The following SYNGR2 variants were observed in gnomAD, a reference collection of about 807,000 sequenced individuals.
SYNGR2 encodes synaptogyrin-2.
A neutral mutation model predicts 18.7 loss-of-function variants in SYNGR2; 11 were observed. The observed-to-expected ratio is 0.59, with a 90% CI of 0.37 to 0.97. SYNGR2 has a LOEUF of 0.97. Among genes scored for constraint, SYNGR2 ranks in the 50% least tolerant of loss-of-function variants. The pLI, the probability that SYNGR2 is intolerant of heterozygous loss-of-function variation, is 0.01. For missense variants in SYNGR2, 253 were observed against 300.7 expected (o/e 0.84, Z 1.17); for synonymous variants, 127 against 131.0 (o/e 0.97, Z 0.21).
chr17:78,171,417 G>T lies in SYNGR2; in HGVS notation c.338-93G>T. 6.9e-7 allele frequency: 1 copy of T among 1,449,742 alleles called. No homozygotes were observed. The highest frequency in any genetic ancestry group is 1.4e-5 in the South Asian group (1 of 70,280). The allele number at this position is 1,449,742 out of a possible 1,614,324, so 89.8% of individuals were successfully genotyped here. A position where few individuals can be genotyped will look rare whatever the true frequency, so the allele number is the denominator to read the frequency against. On this transcript the variant is annotated intron_variant, in intron 2 of 3. Transcript: ENST00000225777. This position sits in a 1 kb window ranked among gnomAD's most constrained non-coding sequence, Gnocchi z 6.6. ...CTCCATAGTGTGGAGGCTCCCCCGG[G>T]AGGTCCCTGCCCTACCTGCCCGCGT...
At position 78,172,278 on chromosome 17, in the gene SYNGR2, G is replaced by A. The variant is rs544433295; in HGVS notation, c.*342G>A. 15 of 529,074 alleles carry A rather than the reference G, an allele frequency of 2.8e-5. No homozygotes were observed. Among genetic ancestry groups the A allele is most frequent in the African/African-American group, 1.3e-4 (7 of 53,060 alleles). 32.8% of individuals were successfully genotyped at this position (529,074 alleles called of 1,614,324 possible). A position where few individuals can be genotyped will look rare whatever the true frequency, so the allele number is the denominator to read the frequency against. On this transcript the variant is annotated 3_prime_UTR_variant, in exon 4 of 4. Transcript: ENST00000225777. ...CTGACAAGTGCCTCAGCTTCCCCCC[G>A]GCCCGGGTCAGGCCGTGGGAGCCGC...
rs768301710 is a variant in SYNGR2 at position 78,171,565 on chromosome 17, A to G, written c.393A>G (p.Ala131=). 3 of 1,538,892 alleles carry G rather than the reference A, an allele frequency of 1.9e-6. No individual in the cohort carries two copies. In the East Asian group the frequency reaches 6.8e-5, roughly 35 times the overall value. Residue 131 remains alanine (A), a synonymous_variant, in exon 3 of 4, where the codon GCA becomes GCG. Transcript: ENST00000225777. The surrounding 1 kb of genome is among the most constrained non-coding windows in gnomAD (Gnocchi z 6.6). ...TCTGCTTCCTCACCAACCAGTGGGC[A>G]GTCACCAACCCGAAGGACGTGCTGG... The part of the protein sequence containing the change: ...VGFCFLTNQW[A]VTNPKDVLVG...
chr17:78,170,786 C>G (rs769625478), intron 1 of SYNGR2, 31 bp from the exon 2 acceptor site: 4 of 1,590,468 alleles, frequency 2.5e-6, no homozygotes, highest in Non-Finnish European at 3.4e-6. Context: ...CAGGCGGCCA[C>G]CAGCCCTACC....
downstream of SYNGR2, chr17:78,172,790 G>A (rs1283818173): frequency 1.3e-5 from 2 of 152,250 alleles, no homozygotes; most frequent in African/African-American, 2.4e-5. Flanking sequence ...CACCCTTAGG[G>A]GCTGGCTTTA....
intron 1 of SYNGR2, 103 bp downstream of exon 1, chr17:78,168,818 G>A: frequency 2.0e-6 from 2 of 1,012,394 alleles, no homozygotes; most frequent in Non-Finnish European, 2.5e-6. Flanking sequence ...GGCGGCGGCC[G>A]CGTCCGGGGC....
intron 1 of SYNGR2, 104 bp from the exon 2 acceptor site, chr17:78,170,713 C>A: frequency 1.0e-6 from 1 of 956,408 alleles, no homozygotes; most frequent in Non-Finnish European, 1.6e-6. Context: ...CAAAAGGGGA[C>A]AGCAGTAGTG....
At chr17:78,169,482 T>G (rs1207504485) in intron 1 of SYNGR2, among the ~76,000 whole-genome samples, 1 of 151,902 alleles carries the variant, frequency 6.6e-6, no homozygotes, top group Non-Finnish European at 1.5e-5. Flanking sequence ...AGGTGCCCAG[T>G]GGGTCGGGAT....
chr17:78,170,725 G>T (rs747847954), intron 1 of SYNGR2, 92 bp from the exon 2 acceptor site: 1 of 1,069,634 alleles, frequency 9.3e-7, no homozygotes, highest in Non-Finnish European at 1.4e-6. Context: ...GCAGTAGTGG[G>T]AGAGGCCAGC....
At position 78,171,693 on chromosome 17, in the gene SYNGR2, G is replaced by A. The variant is rs979126917; in HGVS notation, c.477+44G>A. 1 of 1,612,634 alleles carries A rather than the reference G, an allele frequency of 6.2e-7. No individual in the cohort carries two copies. Among genetic ancestry groups the A allele is most frequent in the African/African-American group, 1.3e-5 (1 of 74,944 alleles). The stretch of plus-strand genomic sequence containing the variant: ...GGTTCTTGGGTCAAGGGTGGTGGAG[G>A]GTGGGGTCCCCCACCCACCTGTACC... On this transcript the variant is annotated intron_variant, in intron 3 of 3. Transcript: ENST00000225777. The surrounding 1 kb of genome is among the most constrained non-coding windows in gnomAD (Gnocchi z 6.6).
Position 78,168,610 on chromosome 17 carries a change from C to A in SYNGR2, c.-7C>A. 2 of 1,197,994 alleles carry A rather than the reference C, an allele frequency of 1.7e-6. No homozygotes were observed. The allele number at this position is 1,197,994 out of a possible 1,614,324, so 74.2% of individuals were successfully genotyped here. ...TCCGCGGCGGCGGCAGCGGCGGCGA[C>A]GGCGACATGGAGAGCGGGGCCTACG... is the stretch of plus-strand genomic sequence containing the variant. On this transcript the variant is annotated 5_prime_UTR_variant, in exon 1 of 4. Coordinates refer to ENST00000225777, the MANE Select transcript of SYNGR2 (RefSeq NM_004710.7).
rs933590524 is a variant in SYNGR2, at chr17:78,172,259, A to G, written c.*323A>G. ...AGCAGGTGCCCATGTGCTACTGACA[A>G]GTGCCTCAGCTTCCCCCCGGCCCGG... On this transcript the variant is annotated 3_prime_UTR_variant, in exon 4 of 4. Coordinates refer to ENST00000225777, the MANE Select transcript of SYNGR2 (RefSeq NM_004710.7). 5.5e-6 allele frequency: 3 copies of G among 543,374 alleles called. No individual in the cohort carries two copies. The highest frequency in any genetic ancestry group is 3.8e-5 in the African/African-American group (2 of 53,298). 33.7% of individuals were successfully genotyped at this position (543,374 alleles called of 1,614,324 possible).
rs751722510 is a variant in SYNGR2, at chr17:78,171,668, G to A, written c.477+19G>A. ...CTCCTGGGTAGGATGGCCAGGGGCC[G>A]GTTCTTGGGTCAAGGGTGGTGGAGG... On this transcript the variant is annotated intron_variant, in intron 3 of 3. Transcript: ENST00000225777. This position sits in a 1 kb window ranked among gnomAD's most constrained non-coding sequence, Gnocchi z 6.6. The A allele has an allele frequency of 2.1e-5, 34 of 1,606,596 alleles. No homozygotes were observed. In the South Asian group the frequency reaches 2.7e-4, roughly 13 times the overall value.
Position 78,168,631 on chromosome 17 carries a change from C to A in SYNGR2, c.15C>A (p.Ala5=). MESG[A]YGAAKAGGSF... ...GCGACGGCGACATGGAGAGCGGGGC[C>A]TACGGCGCGGCCAAGGCGGGCGGCT... The change falls in exon 1 of 4, where the codon GCC becomes GCA. Residue 5 remains alanine, a synonymous_variant. Transcript: ENST00000225777. The A allele has an allele frequency of 8.3e-7, 1 of 1,204,570 alleles. No homozygotes were observed. The highest frequency in any genetic ancestry group is 3.3e-4 in the Middle Eastern group (1 of 3,046). 74.6% of individuals were successfully genotyped at this position (1,204,570 alleles called of 1,614,324 possible).
Position 78,170,842 on chromosome 17 carries a change from G to C in SYNGR2, c.125G>C (p.Cys42Ser), listed in dbSNP as rs754934092. 1.2e-6 allele frequency: 2 copies of C among 1,612,078 alleles called. No individual in the cohort carries two copies. Among genetic ancestry groups the C allele is most frequent in the South Asian group, 2.2e-5 (2 of 91,088 alleles). Reference protein sequence around the residue: ...CLVFALIVFSCIYGEGYSNAH... With the variant: ...CLVFALIVFSSIYGEGYSNAH... Reference sequence around the variant, plus strand: ...GTCTTCGCCTTGATCGTGTTCTCCTGCATCTATGGTGAGGGCTACAGCAAT... The same window carrying C: ...GTCTTCGCCTTGATCGTGTTCTCCTCCATCTATGGTGAGGGCTACAGCAAT... The change falls in exon 2 of 4, where the codon TGC becomes TCC. Residue 42 changes from cysteine (C) to serine (S), a missense_variant. By Grantham distance (112) the Cys-to-Ser change is moderately radical (BLOSUM62 -1). Transcript: ENST00000225777.
rs370028677 is a variant in SYNGR2 at position 78,171,885 on chromosome 17, C to T, written c.624C>T (p.Phe208=). ...ASVDNYQQPP[F]TQNAETTEGY... Reference sequence around the variant, plus strand: ...TGGACAACTACCAACAGCCACCCTTCACCCAGAACGCGGAGACCACCGAGG... The same window carrying T: ...TGGACAACTACCAACAGCCACCCTTTACCCAGAACGCGGAGACCACCGAGG... The change falls in exon 4 of 4, where the codon TTC becomes TTT. Residue 208 remains phenylalanine (F), a synonymous_variant. Coordinates refer to ENST00000225777, the MANE Select transcript of SYNGR2 (RefSeq NM_004710.7). The surrounding 1 kb of genome is among the most constrained non-coding windows in gnomAD (Gnocchi z 6.6). The T allele has an allele frequency of 1.2e-5, 20 of 1,613,922 alleles. No individual in the cohort carries two copies. The highest frequency in any genetic ancestry group is 1.5e-5 in the Non-Finnish European group (18 of 1,179,992).
Position 78,171,976 on chromosome 17 carries a change from C to T in SYNGR2, c.*40C>T. 1.2e-6 allele frequency: 2 copies of T among 1,607,432 alleles called. No individual in the cohort carries two copies. Among genetic ancestry groups the T allele is most frequent in the Non-Finnish European group, 1.7e-6 (2 of 1,179,870 alleles). On this transcript the variant is annotated 3_prime_UTR_variant, in exon 4 of 4. Coordinates refer to ENST00000225777, the MANE Select transcript of SYNGR2 (RefSeq NM_004710.7). This position sits in a 1 kb window ranked among gnomAD's most constrained non-coding sequence, Gnocchi z 6.6. The stretch of plus-strand genomic sequence containing the variant: ...GGGAAGGGGGACAGAGAGGGCCCTC[C>T]CCTCTGCCCTGGACTTTCCCATGAG...
Position 78,171,983 on chromosome 17 carries a change from C to T in SYNGR2, c.*47C>T, listed in dbSNP as rs772822251. 21 of 1,605,550 alleles carry T rather than the reference C, an allele frequency of 1.3e-5. No homozygotes were observed. In the African/African-American group the frequency reaches 2.7e-4, roughly 20 times the overall value. ...GGGACAGAGAGGGCCCTCCCCTCTG[C>T]CCTGGACTTTCCCATGAGCCTCCTG... On this transcript the variant is annotated 3_prime_UTR_variant, in exon 4 of 4. Coordinates refer to ENST00000225777, the MANE Select transcript of SYNGR2 (RefSeq NM_004710.7). The surrounding 1 kb of genome is among the most constrained non-coding windows in gnomAD (Gnocchi z 6.6).
Position 78,171,657 on chromosome 17 carries a change from G to A in SYNGR2, c.477+8G>A. ...TTTTCCATCTTCTCCTGGGTAGGAT[G>A]GCCAGGGGCCGGTTCTTGGGTCAAG... is the stretch of plus-strand genomic sequence containing the variant. On this transcript the variant is annotated splice_region_variant and intron_variant, in intron 3 of 3. Transcript: ENST00000225777. This position sits in a 1 kb window ranked among gnomAD's most constrained non-coding sequence, Gnocchi z 6.6. 1.9e-6 allele frequency: 3 copies of A among 1,604,822 alleles called. No individual in the cohort carries two copies. The highest frequency in any genetic ancestry group is 2.6e-6 in the Non-Finnish European group (3 of 1,173,272).
intron 1 of SYNGR2, 39 bp from the exon 2 acceptor site, chr17:78,170,778 G>A: frequency 3.8e-6 from 6 of 1,578,798 alleles, no homozygotes; most frequent in Non-Finnish European, 4.3e-6. Context: ...GTGCCCCTCA[G>A]GCGGCCACCA....
Sources: allele counts gnomAD v4.1 joint callset (sites outside exome capture counted in the v4.1 genomes callset), GRCh38; gene constraint gnomAD v4.1.1; non-coding constraint Gnocchi (gnomAD v3.1); transcripts MANE v1.5; gene names NCBI Gene and HGNC (gene_info 2026-07-23, HGNC 2026-07-21).